Variants in DMD observed in about 807,000 individuals in gnomAD.
DMD encodes dystrophin.
In DMD, 63 loss-of-function variants were observed where a neutral mutation model predicts 330.1. The ratio of observed to expected loss-of-function variants is 0.19; its 90% confidence interval spans 0.16 to 0.24. The LOEUF is 0.24. DMD is among the 10% of genes least tolerant of loss of function. The pLI is 1.00. For synonymous variants in DMD, 1,223 were observed against 959.8 expected (o/e 1.27, Z -5.07); for missense variants, 3,344 against 2,684.1 (o/e 1.25, Z -5.43).
intron 1 of DMD, among the ~76,000 whole-genome samples, chrX:33,268,051 G>A (rs1422291761): frequency 9.4e-6 from 1 of 105,948 alleles, no homozygotes; most frequent in Non-Finnish European, 1.9e-5. Context: ...GTACAGTGGT[G>A]TGATCTGGAC....
At chrX:31,441,119 T>G (rs905930120) in intron 60 of DMD, among the ~76,000 whole-genome samples, 3 of 112,576 alleles carry the variant, frequency 2.7e-5, no homozygotes, top group Non-Finnish European at 3.7e-5. Flanking sequence ...ATTATACTAT[T>G]TTGCCCAAAT....
intron 76 of DMD, among the ~76,000 whole-genome samples, chrX:31,139,475 A>G (rs935170059): frequency 1.9e-4 from 6 of 31,101 alleles, no homozygotes; most frequent in Admixed American, 3.9e-4. Flanking sequence ...GTGTTTATAT[A>G]CACACACACA....
chrX:32,659,591 T>C (rs1269008043), intron 9 of DMD, among the ~76,000 whole-genome samples: 1 of 111,522 alleles, frequency 9.0e-6, no homozygotes, highest in Non-Finnish European at 1.9e-5. Flanking sequence ...CAGTTTATTT[T>C]GTTCAGCACC....
chrX:33,028,381 C>G (rs1004963530), intron 1 of DMD, among the ~76,000 whole-genome samples: 1 of 111,897 alleles, frequency 8.9e-6, no homozygotes, highest in Non-Finnish European at 1.9e-5. Flanking sequence ...CTTGAAAAAT[C>G]CAGAGCTTCT....
chrX:31,262,012 C>G (rs1470785750), intron 62 of DMD, among the ~76,000 whole-genome samples: 1 of 112,054 alleles, frequency 8.9e-6, no homozygotes, highest in Admixed American at 9.5e-5. Flanking sequence ...TTCCAGAGGA[C>G]CAGAAAGTAC....
intron 41 of DMD, among the ~76,000 whole-genome samples, chrX:32,314,732 T>C (rs910446617): frequency 9.0e-6 from 1 of 111,380 alleles, no homozygotes; most frequent in Non-Finnish European, 1.9e-5. Context: ...GCAAAGGATA[T>C]GAACAGACAC....
At chrX:31,833,299 AGG>A (rs758415547) in intron 49 of DMD, among the ~76,000 whole-genome samples, 220 of 18,625 alleles carry the variant, frequency 0.012, 2 homozygotes, top group East Asian at 0.093. Flanking sequence ...AGAGGGAGAG[AGG>A]GAGAGAGGGA....
At chrX:32,480,396 GTGTGTA>G (rs1420851546) in intron 21 of DMD, among the ~76,000 whole-genome samples, 1 of 108,438 alleles carries the variant, frequency 9.2e-6, no homozygotes, top group African/African-American at 3.5e-5. Flanking sequence ...GTGTGTGTGT[GTGTGTA>G]TATGTCTACA....
At chrX:32,823,468 G>A in intron 4 of DMD, 81 bp from the exon 5 acceptor site, 1 of 689,478 alleles carries the variant, frequency 1.5e-6, no homozygotes, top group Non-Finnish European at 2.3e-6. Context: ...AAAACGTGAA[G>A]GTAATTGCAT....
chrX:32,529,911 T>C (rs1220107130), intron 17 of DMD, among the ~76,000 whole-genome samples: 1 of 111,857 alleles, frequency 8.9e-6, no homozygotes, highest in Non-Finnish European at 1.9e-5. Context: ...TTTTTCCTTA[T>C]ATTTGCATGG....
rs902072439 is a variant in DMD, at chrX:31,212,461, C to T, written c.9362-2762G>A. Among the ~76,000 whole-genome samples the T allele has an allele frequency of 1.7e-4, 19 of 109,376 alleles. 1 individual carries two copies. The highest frequency in any genetic ancestry group is 9.8e-5 in the Admixed American group (1 of 10,180). 95.0% of individuals were successfully genotyped at this position (109,376 alleles called of 115,157 possible). ...AAAGCAGACAGTGGCGGTTGGGGGGCGGCGAGCAGGCAGGACTTCAACACA... is the reference window on the plus strand; with the variant it reads ...AAAGCAGACAGTGGCGGTTGGGGGGTGGCGAGCAGGCAGGACTTCAACACA... On this transcript the variant is annotated intron_variant, in intron 64 of 78. Coordinates refer to ENST00000357033, the MANE Select transcript of DMD (RefSeq NM_004006.3).
At chrX:32,695,093 A>C (rs913821016) in intron 9 of DMD, among the ~76,000 whole-genome samples, 1 of 112,702 alleles carries the variant, frequency 8.9e-6, no homozygotes, top group Admixed American at 9.4e-5. Context: ...CTGGCACATA[A>C]TAGGTGATTC....
intron 43 of DMD, among the ~76,000 whole-genome samples, chrX:32,272,483 G>A (rs1278034216): frequency 1.8e-5 from 2 of 111,966 alleles, no homozygotes; most frequent in Middle Eastern, 4.6e-3. Flanking sequence ...GTCATTATAC[G>A]TATTTGTGTT....
intron 45 of DMD, among the ~76,000 whole-genome samples, chrX:31,933,068 G>A (rs1249522359): frequency 8.9e-6 from 1 of 111,945 alleles, no homozygotes; most frequent in Non-Finnish European, 1.9e-5. Context: ...GTCCCTGGTT[G>A]AGAACCAACT....
At chrX:31,571,664 C>T (rs1738832464) in intron 55 of DMD, among the ~76,000 whole-genome samples, 2 of 111,181 alleles carry the variant, frequency 1.8e-5, no homozygotes, top group African/African-American at 3.3e-5. Flanking sequence ...CATCACAGTC[C>T]TGATTTAGAG....
intron 21 of DMD, among the ~76,000 whole-genome samples, chrX:32,478,422 C>G (rs1336570709): frequency 7.2e-5 from 8 of 111,467 alleles, no homozygotes; most frequent in Non-Finnish European, 1.3e-4. Flanking sequence ...GCAAAGGCTC[C>G]AAACTTTATT....
chrX:33,070,500 A>G (rs2094728852), intron 1 of DMD, among the ~76,000 whole-genome samples: 1 of 109,591 alleles, frequency 9.1e-6, no homozygotes, highest in African/African-American at 3.3e-5. Flanking sequence ...TATTAAATAA[A>G]TGTATTTATT....
intron 16 of DMD, among the ~76,000 whole-genome samples, chrX:32,553,507 T>A (rs1381840394): frequency 9.0e-6 from 1 of 110,903 alleles, no homozygotes; most frequent in Non-Finnish European, 1.9e-5. Flanking sequence ...AACAAACCCC[T>A]GTGACATGCA....
chrX:32,460,348 CCT>C lies in DMD; in HGVS notation c.3432+3089_3432+3090del, dbSNP rs776170415. Among the ~76,000 whole-genome samples, 4 of 110,368 alleles carry C rather than the reference CCT, an allele frequency of 3.6e-5. No homozygotes were observed. In the Admixed American group the frequency reaches 3.9e-4, roughly 11 times the overall value. ...AAAACTACAATATCCACAAATATCC[CCT>C]TTTTCCTGCCTGTTTTTTTTTTCTA... On this transcript the variant is annotated intron_variant, in intron 25 of 78. Coordinates refer to ENST00000357033, the MANE Select transcript of DMD (RefSeq NM_004006.3).
Sources: gnomAD v4.1 joint callset for allele counts (sites outside exome capture counted in the v4.1 genomes callset) on GRCh38, gnomAD v4.1.1 for gene constraint, MANE v1.5 for transcripts, NCBI Gene and HGNC (gene_info 2026-07-23, HGNC 2026-07-21) for gene names.